PKN2: variants seen among roughly 807,000 people sequenced by gnomAD.
PKN2 encodes protein kinase N2.
A neutral mutation model predicts 119.1 loss-of-function variants in PKN2; 38 were observed. The ratio of observed to expected loss-of-function variants is 0.32; its 90% CI spans 0.25 to 0.42. The LOEUF (loss-of-function observed/expected upper bound fraction) is 0.42, where lower values mean the gene tolerates loss of function less well. Ranked by LOEUF, PKN2 falls within the 10% of genes least tolerant of loss-of-function variation. The pLI, the probability that PKN2 is intolerant of heterozygous loss-of-function variation, is 1.00. For missense variants in PKN2, 850 were observed against 1,165.1 expected (o/e 0.73, Z 3.94); for synonymous variants, 390 against 384.9 (o/e 1.01, Z -0.15).
At chr1:88,714,239 T>G (rs1012953005) in intron 1 of PKN2, among the ~76,000 whole-genome samples, 4 of 152,190 alleles carry the variant, frequency 2.6e-5, no homozygotes, top group African/African-American at 7.2e-5. Context: ...TTGTTCTTTT[T>G]GCTTAGGATT....
chr1:88,691,944 G>T (rs1666353012), intron 1 of PKN2, among the ~76,000 whole-genome samples: 1 of 151,644 alleles, frequency 6.6e-6, no homozygotes, highest in Admixed American at 6.6e-5. Flanking sequence ...TTTAGCATAA[G>T]TATGTATGTT....
intron 16 of PKN2, among the ~76,000 whole-genome samples, chr1:88,815,625 A>G (rs1671954711): frequency 6.6e-6 from 1 of 152,208 alleles, no homozygotes; most frequent in Non-Finnish European, 1.5e-5. Context: ...CATAGAATCA[A>G]AATAGCTTGA....
intron 6 of PKN2, among the ~76,000 whole-genome samples, chr1:88,776,365 CTCTT>C (rs938262298): frequency 3.3e-5 from 5 of 150,800 alleles, no homozygotes; most frequent in African/African-American, 7.3e-5. Flanking sequence ...ATCTAGGAAT[CTCTT>C]TCTTTTCTTT....
intron 8 of PKN2, among the ~76,000 whole-genome samples, chr1:88,798,823 T>G (rs571626710): frequency 1.3e-5 from 2 of 152,276 alleles, no homozygotes; most frequent in East Asian, 3.9e-4. Flanking sequence ...AGAACATAAG[T>G]TCCTACAAGG....
At chr1:88,831,510 A>G (rs944882730) in intron 19 of PKN2, among the ~76,000 whole-genome samples, 1 of 151,794 alleles carries the variant, frequency 6.6e-6, no homozygotes, top group African/African-American at 2.4e-5. Flanking sequence ...CACGTAGTAT[A>G]TTTTATTTAT....
intron 2 of PKN2, among the ~76,000 whole-genome samples, chr1:88,747,132 AGTT>A (rs1668801852): frequency 6.6e-6 from 1 of 152,114 alleles, no homozygotes; most frequent in Non-Finnish European, 1.5e-5. Context: ...GGAAAGAGGA[AGTT>A]GTTGGTCACA....
chr1:88,706,219 T>TA lies in PKN2; in HGVS notation c.48+21592dup, dbSNP rs536842854. 1.9e-3 allele frequency among the ~76,000 whole-genome samples: 289 copies of TA among 152,340 alleles called. 2 individuals are homozygous for TA. The highest frequency in any genetic ancestry group is 6.0e-3 in the South Asian group (29 of 4,824). ...TGGGTCTTTTACATCTTTTGTTAGA[T>TA]ATGTCTGTAAGTACTGCATGTTTTT... On this transcript the variant is annotated intron_variant, in intron 1 of 21. Transcript: ENST00000370521.
chr1:88,790,638 G>A (rs990920843), intron 8 of PKN2, among the ~76,000 whole-genome samples: 2 of 152,104 alleles, frequency 1.3e-5, no homozygotes, highest in African/African-American at 2.4e-5. Flanking sequence ...AAATTTCACA[G>A]TAGTGTATCT....
chr1:88,785,035 A>C (rs1251498263), intron 7 of PKN2, among the ~76,000 whole-genome samples: 1 of 152,242 alleles, frequency 6.6e-6, no homozygotes, highest in African/African-American at 2.4e-5. Context: ...AAATGACATT[A>C]GTTCTTTTGG....
intron 8 of PKN2, among the ~76,000 whole-genome samples, chr1:88,787,858 C>T (rs932276364): frequency 6.6e-6 from 1 of 152,138 alleles, no homozygotes; most frequent in Non-Finnish European, 1.5e-5. Context: ...ATAAACTTTT[C>T]CTTGGCAGAA....
intron 1 of PKN2, among the ~76,000 whole-genome samples, chr1:88,715,889 G>T (rs1051759265): frequency 2.0e-5 from 3 of 152,110 alleles, no homozygotes; most frequent in Non-Finnish European, 4.4e-5. Flanking sequence ...TGATGTTAGG[G>T]TGTTGATTTT....
chr1:88,774,229 C>CT (rs2100807857), intron 6 of PKN2, among the ~76,000 whole-genome samples: 1 of 152,312 alleles, frequency 6.6e-6, no homozygotes, highest in Admixed American at 6.5e-5. Flanking sequence ...AGGAAGTTCA[C>CT]TTGAGCATTG....
intron 1 of PKN2, chr1:88,684,896 AGCGGGAGCCTGCTCTCGCC>A: frequency 2.6e-6 from 1 of 389,298 alleles, no homozygotes; most frequent in Non-Finnish European, 4.6e-6. Flanking sequence ...GCCCTGCTGC[AGCGGGAGCCTGCTCTCGCC>A]TGGTCCCCGG....
chr1:88,741,404 G>T, intron 2 of PKN2, 116 bp downstream of exon 2: 2 of 625,944 alleles, frequency 3.2e-6, no homozygotes, highest in Non-Finnish European at 2.5e-6. Context: ...AAAGTAGAGA[G>T]ACTTTTTCTC....
chr1:88,835,468 TTTAA>T lies in PKN2; in HGVS notation c.*2023_*2026del, dbSNP rs1672903992. On this transcript the variant is annotated 3_prime_UTR_variant, in exon 22 of 22. Transcript: ENST00000370521. ...AACTACACAGTGTACAGAATTTTTT[TTTAA>T]TTGAAGTCAATCACTAAAAAAATTA... 6.6e-6 allele frequency: 1 copy of T among 152,444 alleles called. No individual in the cohort carries two copies. The highest frequency in any genetic ancestry group is 2.1e-4 in the South Asian group (1 of 4,836). 9.4% of individuals were successfully genotyped at this position (152,444 alleles called of 1,614,324 possible).
Position 88,834,720 on chromosome 1 carries a change from A to G in PKN2, c.*1272A>G, listed in dbSNP as rs1004729897. The G allele has an allele frequency of 4.6e-5, 7 of 152,022 alleles. No homozygotes were observed. Among genetic ancestry groups the G allele is most frequent in the Admixed American group, 6.6e-5 (1 of 15,230 alleles). The allele number at this position is 152,022 out of a possible 1,614,324, so 9.4% of individuals were successfully genotyped here. ...ATAATTTGATGAAATATTTTATACA[A>G]CTCTTCAAAGGATCCGTCTGTGGCT... On this transcript the variant is annotated 3_prime_UTR_variant, in exon 22 of 22. Coordinates refer to ENST00000370521, the MANE Select transcript of PKN2 (RefSeq NM_006256.4).
intron 1 of PKN2, among the ~76,000 whole-genome samples, chr1:88,721,997 C>T (rs1667699194): frequency 1.3e-5 from 2 of 152,142 alleles, no homozygotes; most frequent in South Asian, 4.1e-4. Flanking sequence ...ATACATGCAA[C>T]AGATTAAGGA....
At chr1:88,720,543 G>A (rs1264166251) in intron 1 of PKN2, among the ~76,000 whole-genome samples, 1 of 152,130 alleles carries the variant, frequency 6.6e-6, no homozygotes, top group Admixed American at 6.5e-5. Context: ...TTCTGGCTAG[G>A]GGTAAGGACT....
intron 2 of PKN2, among the ~76,000 whole-genome samples, chr1:88,745,975 G>A (rs1668752119): frequency 6.6e-6 from 1 of 152,078 alleles, no homozygotes; most frequent in Admixed American, 6.5e-5. Flanking sequence ...ACACACGGTG[G>A]GGACTGGACA....
Sources: gnomAD v4.1 joint callset for allele counts (sites outside exome capture counted in the v4.1 genomes callset) on GRCh38, gnomAD v4.1.1 for gene constraint, MANE v1.5 for transcripts, NCBI Gene and HGNC (gene_info 2026-07-23, HGNC 2026-07-21) for gene names.